The following ST7L variants were observed in gnomAD, a reference collection of about 807,000 sequenced individuals.
ST7L encodes suppression of tumorigenicity 7 like, also known as suppressor of tumorigenicity 7 protein-like.
In ST7L, 57 loss-of-function variants were observed where a neutral mutation model predicts 72.5. That is an observed-to-expected ratio of 0.79 (90% CI 0.64 to 0.98). ST7L has a LOEUF of 0.98. Among genes scored for constraint, ST7L ranks in the 50% least tolerant of loss-of-function variants. The pLI is 0.00. For missense variants in ST7L, 576 were observed against 672.2 expected (o/e 0.86, Z 1.58); for synonymous variants, 221 against 240.9 (o/e 0.92, Z 0.77).
In ST7L at chr1:112,582,006, A is replaced by G; in HGVS notation, c.1055T>C (p.Leu352Pro). The G allele has an allele frequency of 6.2e-7, 1 of 1,607,038 alleles. No homozygotes were observed. Among genetic ancestry groups the G allele is most frequent in the Non-Finnish European group, 8.5e-7 (1 of 1,173,866 alleles). Residue 352 changes from leucine (L) to proline (P), a missense_variant, in exon 9 of 15, where the codon CTA becomes CCA. Coordinates refer to ENST00000358039, the MANE Select transcript of ST7L (RefSeq NM_017744.5). ...LQAYPDVQAV[L>P]AKYDDISLPK... Reference sequence around the variant, plus strand: ...ATATGACTCACCATCATATTTTGCTAGGACTGCCTGAACATCTGGATAGGC... The same window carrying G: ...ATATGACTCACCATCATATTTTGCTGGGACTGCCTGAACATCTGGATAGGC...
At chr1:112,600,664 C>A (rs1667244798) in intron 4 of ST7L, 130 bp downstream of exon 4, 1 of 776,788 alleles carries the variant, frequency 1.3e-6, no homozygotes, top group African/African-American at 1.8e-5. Flanking sequence ...GTGGACTAAT[C>A]ATTTTACTTT....
At chr1:112,612,898 A>G (rs563488001) in intron 2 of ST7L, among the ~76,000 whole-genome samples, 8 of 151,954 alleles carry the variant, frequency 5.3e-5, no homozygotes, top group Admixed American at 5.2e-4. Flanking sequence ...TGGGAGGATC[A>G]CTTGAGGCTG....
At chr1:112,595,747 T>A (rs1666390561) in intron 5 of ST7L, among the ~76,000 whole-genome samples, 1 of 152,214 alleles carries the variant, frequency 6.6e-6, no homozygotes. Flanking sequence ...TGGATTGTAG[T>A]GGGTATTAAA....
chr1:112,544,360 T>C (rs1026838472), intron 13 of ST7L, among the ~76,000 whole-genome samples: 2 of 152,218 alleles, frequency 1.3e-5, no homozygotes, highest in Non-Finnish European at 2.9e-5. Flanking sequence ...TCAGAAAGTA[T>C]ATACCAAAAC....
chr1:112,604,964 G>A (rs370915405), intron 3 of ST7L, among the ~76,000 whole-genome samples: 1 of 150,864 alleles, frequency 6.6e-6, no homozygotes, highest in Non-Finnish European at 1.5e-5. Context: ...GTGCATGCCT[G>A]TAATCCCAGC....
At chr1:112,565,211 ATTTTTTTTTTTT>A (rs777969643) in intron 11 of ST7L, among the ~76,000 whole-genome samples, 55 of 57,952 alleles carry the variant, frequency 9.5e-4, no homozygotes, top group South Asian at 2.8e-3. Flanking sequence ...TGTTCGGCTA[ATTTTTTTTTTTT>A]TTTTTTTTTT....
At chr1:112,592,247 T>C (rs1388617946) in intron 5 of ST7L, among the ~76,000 whole-genome samples, 1 of 152,194 alleles carries the variant, frequency 6.6e-6, no homozygotes, top group Admixed American at 6.5e-5. Context: ...TAAAGTTTTC[T>C]TTAATTAAAT....
intron 13 of ST7L, among the ~76,000 whole-genome samples, chr1:112,546,274 G>A (rs1361647307): frequency 2.8e-5 from 4 of 141,644 alleles, no homozygotes; most frequent in Non-Finnish European, 6.0e-5. Flanking sequence ...AGCCGTGACT[G>A]CACCACTGCA....
At position 112,557,664 on chromosome 1, in the gene ST7L, A is replaced by G. The variant is rs72994946; in HGVS notation, c.1246-1646T>C. On this transcript the variant is annotated intron_variant, in intron 11 of 14. Transcript: ENST00000358039. ...CTATGTTTAGGAAGTATTATGATTT[A>G]GAGGCTAGAAATAAACCACTTGATG... Among the ~76,000 whole-genome samples, 368 of 152,328 alleles carry G rather than the reference A, an allele frequency of 2.4e-3. 2 individuals are homozygous for G. Among genetic ancestry groups the G allele is most frequent in the African/African-American group, 8.6e-3 (356 of 41,574 alleles).
At chr1:112,596,327 G>A (rs949547546) in intron 5 of ST7L, among the ~76,000 whole-genome samples, 1 of 152,118 alleles carries the variant, frequency 6.6e-6, no homozygotes, top group Non-Finnish European at 1.5e-5. Context: ...CTATTTTTCA[G>A]ACCCTTCAGT....
intron 8 of ST7L, 43 bp from the exon 9 acceptor site, chr1:112,582,149 G>GA (rs1664219967): frequency 2.1e-6 from 3 of 1,399,706 alleles, no homozygotes; most frequent in African/African-American, 2.8e-5. Flanking sequence ...CATAACAAAG[G>GA]AACTCAATAG....
chr1:112,595,358 T>G (rs1432240672), intron 5 of ST7L, among the ~76,000 whole-genome samples: 1 of 118,322 alleles, frequency 8.5e-6, no homozygotes, highest in Admixed American at 9.1e-5. Context: ...AAAGCAAAAC[T>G]TGGTCTCAAA....
rs774786561 is a variant in ST7L, at chr1:112,582,080, G to A, written c.981C>T (p.Thr327=). Residue 327 remains threonine, a synonymous_variant, in exon 9 of 15, where the codon ACC becomes ACT. Transcript: ENST00000358039. ...AGAGATTTTCATGGATGTTCAACATGGTAAGAGGAGGAAATTCTTTCATCA... is the reference window on the plus strand; with the variant it reads ...AGAGATTTTCATGGATGTTCAACATAGTAAGAGGAGGAAATTCTTTCATCA... ...RDLMKEFPPL[T]MLNIHENLLE... The A allele has an allele frequency of 1.3e-5, 21 of 1,611,410 alleles. No homozygotes were observed. The highest frequency in any genetic ancestry group is 1.8e-5 in the Non-Finnish European group (21 of 1,178,158).
chr1:112,562,057 C>T (rs997053334), intron 11 of ST7L, among the ~76,000 whole-genome samples: 3 of 151,352 alleles, frequency 2.0e-5, no homozygotes, highest in African/African-American at 4.9e-5. Flanking sequence ...GCCTCGACCT[C>T]CTGGGCTCAA....
chr1:112,609,805 A>C (rs1203895973), intron 3 of ST7L, among the ~76,000 whole-genome samples: 1 of 152,186 alleles, frequency 6.6e-6, no homozygotes, highest in Non-Finnish European at 1.5e-5. Context: ...CTGGCAACAG[A>C]CAAGATTCTG....
chr1:112,589,590 A>G (rs1665378207), intron 6 of ST7L, among the ~76,000 whole-genome samples: 1 of 152,200 alleles, frequency 6.6e-6, no homozygotes, highest in Non-Finnish European at 1.5e-5. Context: ...TATAAAATCT[A>G]TATTATCTGT....
intron 4 of ST7L, among the ~76,000 whole-genome samples, chr1:112,599,969 C>T (rs1393999235): frequency 6.6e-6 from 1 of 152,092 alleles, no homozygotes; most frequent in Non-Finnish European, 1.5e-5. Context: ...ATTTGGAAGG[C>T]CAAGGCAGGA....
chr1:112,616,230 T>C (rs752593080), intron 2 of ST7L, among the ~76,000 whole-genome samples: 115 of 152,308 alleles, frequency 7.6e-4, no homozygotes, highest in Non-Finnish European at 1.5e-3. Flanking sequence ...CAACTTGGGC[T>C]CTGCAGGCAT....
chr1:112,543,049 C>T (rs545509291), intron 13 of ST7L, among the ~76,000 whole-genome samples: 2 of 152,226 alleles, frequency 1.3e-5, no homozygotes, highest in East Asian at 3.9e-4. Flanking sequence ...ATCCGTCCAC[C>T]TCGGCCTCCC....
Sources: gnomAD v4.1 joint callset for allele counts (sites outside exome capture counted in the v4.1 genomes callset) on GRCh38, gnomAD v4.1.1 for gene constraint, MANE v1.5 for transcripts, NCBI Gene and HGNC (gene_info 2026-07-23, HGNC 2026-07-21) for gene names.